Variants in RABGAP1L observed in about 807,000 individuals in gnomAD.
RABGAP1L encodes the protein RAB GTPase activating protein 1 like.
RABGAP1L carries 63 observed loss-of-function variants against 137.7 expected under a neutral mutation model. The observed-to-expected ratio is 0.46, with a 90% CI of 0.37 to 0.56. The LOEUF (loss-of-function observed/expected upper bound fraction) is 0.56, where lower values mean the gene tolerates loss of function less well. RABGAP1L is among the 20% of genes least tolerant of loss of function. The pLI, the probability that RABGAP1L is intolerant of heterozygous loss-of-function variation, is 0.00. For synonymous variants in RABGAP1L, 431 were observed against 433.7 expected (o/e 0.99, Z 0.08); for missense variants, 1,095 against 1,244.0 (o/e 0.88, Z 1.80).
intron 15 of RABGAP1L, among the ~76,000 whole-genome samples, chr1:174,699,291 T>C (rs1679479902): frequency 6.6e-6 from 1 of 152,146 alleles, no homozygotes; most frequent in African/African-American, 2.4e-5. Flanking sequence ...GTGTATTGCC[T>C]GTTTTTAAAG....
chr1:174,359,069 A>G (rs1683910114), intron 11 of RABGAP1L, among the ~76,000 whole-genome samples: 2 of 152,144 alleles, frequency 1.3e-5, no homozygotes, highest in African/African-American at 4.8e-5. Flanking sequence ...TCTTTCTATT[A>G]TTTGTCCTCC....
At chr1:174,237,766 G>A (rs1250508974) in intron 4 of RABGAP1L, among the ~76,000 whole-genome samples, 5 of 136,982 alleles carry the variant, frequency 3.7e-5, no homozygotes, top group Admixed American at 1.5e-4. Context: ...TGCTCTTCTC[G>A]AGGAGTATCT....
intron 15 of RABGAP1L, 51 bp from the exon 16 acceptor site, chr1:174,699,474 T>G: frequency 6.5e-7 from 1 of 1,546,448 alleles, no homozygotes. Context: ...TTTTTGACAT[T>G]CTGGCAAAAT....
At chr1:174,239,866 C>T (rs1018627787) in intron 4 of RABGAP1L, among the ~76,000 whole-genome samples, 1 of 152,142 alleles carries the variant, frequency 6.6e-6, no homozygotes, top group Non-Finnish European at 1.5e-5. Flanking sequence ...TTGCCTCATT[C>T]TCTAAAGTTT....
At chr1:174,758,460 C>T (rs1342307738) in intron 18 of RABGAP1L, among the ~76,000 whole-genome samples, 1 of 151,988 alleles carries the variant, frequency 6.6e-6, no homozygotes, top group Admixed American at 6.6e-5. Context: ...ACCCTTTCCC[C>T]TTCTGAGTCT....
chr1:174,558,326 T>G (rs1053792368), intron 13 of RABGAP1L, among the ~76,000 whole-genome samples: 1 of 152,226 alleles, frequency 6.6e-6, no homozygotes, highest in Non-Finnish European at 1.5e-5. Flanking sequence ...CTAAGGAAAT[T>G]CTTTGTGCTG....
chr1:174,664,671 C>T (rs577860178), intron 14 of RABGAP1L, among the ~76,000 whole-genome samples: 20 of 149,682 alleles, frequency 1.3e-4, no homozygotes, highest in Non-Finnish European at 2.7e-4. Context: ...GTAAAACACT[C>T]TAGTGAATTT....
intron 13 of RABGAP1L, among the ~76,000 whole-genome samples, chr1:174,586,067 A>G (rs1248545670): frequency 1.3e-5 from 2 of 152,212 alleles, no homozygotes; most frequent in Admixed American, 1.3e-4. Context: ...AAAAAGATAC[A>G]TGCATGCGTA....
At chr1:174,212,026 C>T (rs189641881) in intron 1 of RABGAP1L, among the ~76,000 whole-genome samples, 22 of 152,196 alleles carry the variant, frequency 1.4e-4, no homozygotes, top group African/African-American at 5.3e-4. Context: ...AATACGATAA[C>T]AGCTGGAAAC....
At chr1:174,712,203 C>A (rs996671512) in intron 17 of RABGAP1L, among the ~76,000 whole-genome samples, 1 of 152,168 alleles carries the variant, frequency 6.6e-6, no homozygotes, top group African/African-American at 2.4e-5. Flanking sequence ...TGGGTGGGGC[C>A]AGATAAGAGA....
At chr1:174,436,606 G>T (rs1190346814) in intron 13 of RABGAP1L, among the ~76,000 whole-genome samples, 2 of 152,124 alleles carry the variant, frequency 1.3e-5, no homozygotes, top group African/African-American at 2.4e-5. Context: ...TTTGTAGGTT[G>T]CCTGTTCACT....
intron 13 of RABGAP1L, among the ~76,000 whole-genome samples, chr1:174,540,067 G>C (rs1479607249): frequency 1.3e-5 from 2 of 152,154 alleles, no homozygotes; most frequent in African/African-American, 4.8e-5. Context: ...TTTTTCATGT[G>C]TCTTTTGGCT....
intron 20 of RABGAP1L, among the ~76,000 whole-genome samples, chr1:174,963,506 C>A (rs2149354464): frequency 6.6e-6 from 1 of 152,084 alleles, no homozygotes; most frequent in East Asian, 1.9e-4. Flanking sequence ...TGGTGATCTT[C>A]AGAGTTTTCA....
intron 1 of RABGAP1L, among the ~76,000 whole-genome samples, chr1:174,164,524 A>T (rs1664755178): frequency 6.6e-6 from 1 of 152,202 alleles, no homozygotes; most frequent in Admixed American, 6.5e-5. Flanking sequence ...GTTAGCTATA[A>T]TGGCTTGCAA....
At chr1:174,581,730 A>G (rs1397038788) in intron 13 of RABGAP1L, among the ~76,000 whole-genome samples, 1 of 152,210 alleles carries the variant, frequency 6.6e-6, no homozygotes, top group Non-Finnish European at 1.5e-5. Flanking sequence ...TTTTTTAAAC[A>G]AAAAGATTAT....
intron 19 of RABGAP1L, among the ~76,000 whole-genome samples, chr1:174,851,152 T>C (rs898142898): frequency 2.6e-5 from 4 of 152,212 alleles, no homozygotes; most frequent in African/African-American, 9.6e-5. Flanking sequence ...GGATGTGAGA[T>C]AATAAATGGA....
At chr1:174,326,693 C>G (rs1680467234) in intron 11 of RABGAP1L, among the ~76,000 whole-genome samples, 1 of 152,048 alleles carries the variant, frequency 6.6e-6, no homozygotes, top group African/African-American at 2.4e-5. Flanking sequence ...ATACAAATAT[C>G]CAGGTATAAC....
intron 11 of RABGAP1L, among the ~76,000 whole-genome samples, chr1:174,320,195 A>G (rs1214016638): frequency 2.6e-5 from 4 of 152,150 alleles, no homozygotes; most frequent in African/African-American, 9.7e-5. Context: ...TTATGATATG[A>G]AACATTTTCA....
At chr1:174,403,760 A>G (rs1003927083) in intron 13 of RABGAP1L, among the ~76,000 whole-genome samples, 1 of 151,494 alleles carries the variant, frequency 6.6e-6, no homozygotes, top group Non-Finnish European at 1.5e-5. Flanking sequence ...ATAGCTGATT[A>G]TACTGAAATA....
Sources: gnomAD v4.1 joint callset for allele counts (sites outside exome capture counted in the v4.1 genomes callset) on GRCh38, gnomAD v4.1.1 for gene constraint, MANE v1.5 for transcripts, NCBI Gene and HGNC (gene_info 2026-07-23, HGNC 2026-07-21) for gene names.